The following RPS6KA2 variants were observed in gnomAD, a reference collection of about 807,000 sequenced individuals.
The protein encoded by RPS6KA2 is ribosomal protein S6 kinase alpha-2.
RPS6KA2 carries 42 observed loss-of-function variants against 91.8 expected under a neutral mutation model. The ratio of observed to expected loss-of-function variants is 0.46; its 90% CI spans 0.36 to 0.59. The LOEUF (loss-of-function observed/expected upper bound fraction) is 0.59. Ranked by LOEUF, RPS6KA2 falls within the 20% of genes least tolerant of loss-of-function variation. The pLI is 0.00. For synonymous variants in RPS6KA2, 414 were observed against 393.6 expected (o/e 1.05, Z -0.61); for missense variants, 798 against 978.5 (o/e 0.82, Z 2.46).
intron 1 of RPS6KA2, among the ~76,000 whole-genome samples, chr6:166,604,060 G>T (rs371993834): frequency 8.5e-5 from 13 of 152,274 alleles, no homozygotes; most frequent in African/African-American, 2.6e-4. Flanking sequence ...ATTAAGAAGA[G>T]TTCCATCCTG....
At chr6:166,724,547 C>T (rs1790280230) in intron 2 of RPS6KA2, among the ~76,000 whole-genome samples, 1 of 151,934 alleles carries the variant, frequency 6.6e-6, no homozygotes, top group African/African-American at 2.4e-5. Context: ...ATTTTTGCTT[C>T]TTCCCGCCAT....
chr6:166,569,515 C>T (rs957622050), intron 1 of RPS6KA2, among the ~76,000 whole-genome samples: 3 of 152,190 alleles, frequency 2.0e-5, no homozygotes, highest in Non-Finnish European at 4.4e-5. Flanking sequence ...CGCTGGGTCC[C>T]TGCTGGGGCC....
At chr6:166,656,297 G>A (rs1788000158) in intron 2 of RPS6KA2, among the ~76,000 whole-genome samples, 1 of 152,174 alleles carries the variant, frequency 6.6e-6, no homozygotes, top group Non-Finnish European at 1.5e-5. Context: ...GAGAGGCAGG[G>A]AAGAAGAAGA....
intron 12 of RPS6KA2, among the ~76,000 whole-genome samples, chr6:166,457,025 G>C (rs973749456): frequency 1.3e-5 from 2 of 152,210 alleles, no homozygotes; most frequent in African/African-American, 4.8e-5. Context: ...AAGATAAAAG[G>C]CATGTCCATA....
intron 2 of RPS6KA2, among the ~76,000 whole-genome samples, chr6:166,788,104 A>G (rs1290765992): frequency 1.3e-5 from 2 of 152,244 alleles, no homozygotes; most frequent in East Asian, 1.9e-4. Context: ...ATCATTAGGT[A>G]TTATGATTAG....
rs115525481 is a variant in RPS6KA2 at position 166,655,782 on chromosome 6, G to A, written c.124-116998C>T. Reference sequence around the variant, plus strand: ...ACACTGGGCTGGCGAGAGTGTGAACGGGCGCCACCAGTTTGGAAAACAACA... The same window carrying A: ...ACACTGGGCTGGCGAGAGTGTGAACAGGCGCCACCAGTTTGGAAAACAACA... On this transcript the variant is annotated intron_variant, in intron 2 of 21. Transcript: ENST00000503859. Among the ~76,000 whole-genome samples the A allele has an allele frequency of 8.9e-3, 1,361 of 152,260 alleles. 20 individuals are homozygous for A. The highest frequency in any genetic ancestry group is 0.031 in the African/African-American group (1,284 of 41,542).
At chr6:166,439,077 T>G (rs1355812439) in intron 14 of RPS6KA2, among the ~76,000 whole-genome samples, 1 of 147,616 alleles carries the variant, frequency 6.8e-6, no homozygotes, top group East Asian at 2.0e-4. Flanking sequence ...AGCTCCTGAT[T>G]CATATTTTTT....
At chr6:166,444,857 C>T (rs113300911) in intron 14 of RPS6KA2, among the ~76,000 whole-genome samples, 53 of 152,230 alleles carry the variant, frequency 3.5e-4, no homozygotes, top group African/African-American at 1.1e-3. Flanking sequence ...ATTTTAGGAC[C>T]GATTCTAGCT....
At chr6:166,596,444 T>C (rs532413778) in intron 1 of RPS6KA2, among the ~76,000 whole-genome samples, 5 of 152,192 alleles carry the variant, frequency 3.3e-5, no homozygotes, top group Non-Finnish European at 5.9e-5. Context: ...CAGGAGAAGA[T>C]GGAAGAGCAG....
intron 11 of RPS6KA2, among the ~76,000 whole-genome samples, chr6:166,465,903 A>G (rs766666639): frequency 3.3e-5 from 5 of 152,200 alleles, no homozygotes; most frequent in Admixed American, 3.3e-4. Context: ...AATTAATGCA[A>G]AAGTGGCATT....
intron 2 of RPS6KA2, among the ~76,000 whole-genome samples, chr6:166,758,660 G>A (rs1221827128): frequency 6.6e-6 from 1 of 152,142 alleles, no homozygotes; most frequent in African/African-American, 2.4e-5. Flanking sequence ...ACTGACAATC[G>A]CCTTCGAGGT....
chr6:166,805,025 C>A (rs1451128347), intron 2 of RPS6KA2, among the ~76,000 whole-genome samples: 2 of 152,202 alleles, frequency 1.3e-5, no homozygotes, highest in African/African-American at 4.8e-5. Flanking sequence ...AATGAAAGAG[C>A]AAATGCATAT....
chr6:166,730,099 C>G (rs1276443435), intron 2 of RPS6KA2, among the ~76,000 whole-genome samples: 2 of 152,202 alleles, frequency 1.3e-5, no homozygotes, highest in Non-Finnish European at 2.9e-5. Context: ...TTCTCACATG[C>G]ATGTAACTTT....
intron 2 of RPS6KA2, among the ~76,000 whole-genome samples, chr6:166,729,278 G>T (rs1048180391): frequency 6.6e-6 from 1 of 152,248 alleles, no homozygotes; most frequent in Non-Finnish European, 1.5e-5. Context: ...AACGCACACT[G>T]CCTCAGGCAA....
In RPS6KA2 at chr6:166,852,713, G is replaced by A. The variant is rs567259891; in HGVS notation, c.123+5487C>T. ...GCATTGGAGGAGGCCACGCTGACAC[G>A]CTCAGGAGCTCATCCCTGAGCGCCC... On this transcript the variant is annotated intron_variant, in intron 2 of 21. Transcript: ENST00000503859. The surrounding 1 kb of genome is among the most constrained non-coding windows in gnomAD (Gnocchi z 4.1). Among the ~76,000 whole-genome samples, 22 of 152,208 alleles carry A rather than the reference G, an allele frequency of 1.4e-4. No individual in the cohort carries two copies. The South Asian group carries it at 3.7e-3, about 26-fold the overall frequency.
intron 2 of RPS6KA2, among the ~76,000 whole-genome samples, chr6:166,769,346 T>A (rs1369528209): frequency 6.6e-6 from 1 of 152,230 alleles, no homozygotes; most frequent in African/African-American, 2.4e-5. Flanking sequence ...CAATTACAGC[T>A]TGACTCTTTT....
intron 8 of RPS6KA2, among the ~76,000 whole-genome samples, chr6:166,496,809 G>A (rs185875574): frequency 6.6e-6 from 1 of 152,312 alleles, no homozygotes; most frequent in East Asian, 1.9e-4. Context: ...GGAATTTGGG[G>A]TTCTCAGGAG....
At chr6:166,602,938 GT>G (rs1194926436) in intron 1 of RPS6KA2, among the ~76,000 whole-genome samples, 1 of 152,228 alleles carries the variant, frequency 6.6e-6, no homozygotes, top group African/African-American at 2.4e-5. Context: ...AGTAGAGGAA[GT>G]TTTCTGCAAG....
intron 12 of RPS6KA2, among the ~76,000 whole-genome samples, chr6:166,458,143 T>C (rs953536375): frequency 1.3e-5 from 2 of 152,186 alleles, no homozygotes; most frequent in Non-Finnish European, 2.9e-5. Flanking sequence ...GGCCTTGATA[T>C]GGTTCAGCTT....
Sources: allele counts gnomAD v4.1 joint callset (sites outside exome capture counted in the v4.1 genomes callset), GRCh38; gene constraint gnomAD v4.1.1; non-coding constraint Gnocchi (gnomAD v3.1); transcripts MANE v1.5; gene names NCBI Gene and HGNC (gene_info 2026-07-23, HGNC 2026-07-21).